Variants in ZBTB20 observed in about 807,000 individuals in gnomAD.
The protein encoded by ZBTB20 is zinc finger and BTB domain-containing protein 20.
ZBTB20 carries 9 observed loss-of-function variants against 56.9 expected under a neutral mutation model. The observed-to-expected ratio is 0.16, with a 90% CI of 0.10 to 0.28. The LOEUF (loss-of-function observed/expected upper bound fraction) is 0.28. ZBTB20 is among the 10% of genes least tolerant of loss of function. The pLI, the probability that ZBTB20 is intolerant of heterozygous loss-of-function variation, is 1.00. For synonymous variants in ZBTB20, 417 were observed against 420.7 expected (o/e 0.99, Z 0.11); for missense variants, 655 against 1,003.0 (o/e 0.65, Z 4.69).
In ZBTB20 at chr3:114,943,470, A is replaced by C. The variant is rs1218909240; in HGVS notation, c.-456+30896T>G. Among the ~76,000 whole-genome samples, 8 of 145,852 alleles carry C rather than the reference A, an allele frequency of 5.5e-5. No individual in the cohort carries two copies. The South Asian group carries it at 1.1e-3, about 19-fold the overall frequency. ...GAATTATCAGATATAGTCTTTTAAA[A>C]ACAGTGATAAATATGGTTTCAGAGG... is the stretch of plus-strand genomic sequence containing the variant. On this transcript the variant is annotated intron_variant, in intron 3 of 11. Coordinates refer to ENST00000675478, the MANE Select transcript of ZBTB20 (RefSeq NM_001348800.3).
At chr3:114,794,522 G>A (rs1407143600) in intron 5 of ZBTB20, among the ~76,000 whole-genome samples, 1 of 152,012 alleles carries the variant, frequency 6.6e-6, no homozygotes, top group Admixed American at 6.6e-5. Context: ...AAATGAAGAG[G>A]TTAGAATAAA....
chr3:114,508,437 T>C (rs1453716357), intron 6 of ZBTB20, among the ~76,000 whole-genome samples: 1 of 152,136 alleles, frequency 6.6e-6, no homozygotes, highest in Non-Finnish European at 1.5e-5. Flanking sequence ...GATGAGTCCA[T>C]TCTATCTATG....
chr3:114,963,200 G>A (rs2077520156), intron 3 of ZBTB20, among the ~76,000 whole-genome samples: 1 of 152,000 alleles, frequency 6.6e-6, no homozygotes, highest in African/African-American at 2.4e-5. Context: ...AATCTGCTAG[G>A]TTAATCCCTT....
chr3:114,948,956 A>G (rs2076975314), intron 3 of ZBTB20, among the ~76,000 whole-genome samples: 1 of 146,296 alleles, frequency 6.8e-6, no homozygotes, highest in Non-Finnish European at 1.5e-5. Flanking sequence ...ATGGAAATAA[A>G]AAGGAACAAG....
At chr3:114,987,771 A>G (rs1048591702) in intron 2 of ZBTB20, among the ~76,000 whole-genome samples, 4 of 152,166 alleles carry the variant, frequency 2.6e-5, no homozygotes, top group Admixed American at 2.0e-4. Context: ...TAAAGTGCCA[A>G]AAGTTGAGTG....
In ZBTB20 at chr3:114,326,407, T is replaced by A. The variant is rs1298298602; in HGVS notation, c.*12598A>T. 3 of 152,174 alleles carry A rather than the reference T, an allele frequency of 2.0e-5. No individual in the cohort carries two copies. Among genetic ancestry groups the A allele is most frequent in the African/African-American group, 4.8e-5 (2 of 41,440 alleles). The allele number at this position is 152,174 out of a possible 1,614,324, so 9.4% of individuals were successfully genotyped here. A position where few individuals can be genotyped will look rare whatever the true frequency, so the allele number is the denominator to read the frequency against. On this transcript the variant is annotated 3_prime_UTR_variant, in exon 12 of 12. Coordinates refer to ENST00000675478, the MANE Select transcript of ZBTB20 (RefSeq NM_001348800.3). The stretch of plus-strand genomic sequence containing the variant: ...ACAGGTTTTTGTTTTAACTGTTCTA[T>A]CCTCAAAGTAAAGAGAGAATTTCTC...
intron 1 of ZBTB20, among the ~76,000 whole-genome samples, chr3:115,118,007 T>C (rs1183112237): frequency 1.3e-5 from 2 of 152,328 alleles, no homozygotes; most frequent in East Asian, 3.9e-4. Flanking sequence ...TCACTACCTG[T>C]GACCTTAAAC....
intron 7 of ZBTB20, among the ~76,000 whole-genome samples, chr3:114,410,134 G>A (rs2108762172): frequency 6.6e-6 from 1 of 152,180 alleles, no homozygotes; most frequent in Non-Finnish European, 1.5e-5. Flanking sequence ...CATCTAACAG[G>A]TGAGACATCA....
At chr3:115,044,313 A>C (rs1432268275) in intron 2 of ZBTB20, among the ~76,000 whole-genome samples, 5 of 152,206 alleles carry the variant, frequency 3.3e-5, no homozygotes, top group Non-Finnish European at 7.3e-5. Flanking sequence ...CGAGAAAAAC[A>C]AAACAAAACA....
chr3:115,030,658 C>T (rs1016029909), intron 2 of ZBTB20, among the ~76,000 whole-genome samples: 10 of 151,276 alleles, frequency 6.6e-5, no homozygotes, highest in Middle Eastern at 3.4e-3. Context: ...GACTTAACGT[C>T]ATGAGAGATG....
At chr3:114,372,919 C>G (rs894305958) in intron 10 of ZBTB20, among the ~76,000 whole-genome samples, 5 of 152,004 alleles carry the variant, frequency 3.3e-5, no homozygotes, top group African/African-American at 1.2e-4. Context: ...CTTCAGAATA[C>G]TTTCTTTTTT....
At chr3:114,531,706 C>T (rs568659857) in intron 6 of ZBTB20, among the ~76,000 whole-genome samples, 13 of 152,132 alleles carry the variant, frequency 8.5e-5, no homozygotes, top group Admixed American at 7.2e-4. Context: ...GCAAGATGGC[C>T]GAATAGGAAC....
At chr3:114,808,001 A>G (rs1333270863) in intron 4 of ZBTB20, among the ~76,000 whole-genome samples, 2 of 152,088 alleles carry the variant, frequency 1.3e-5, no homozygotes, top group Non-Finnish European at 2.9e-5. Flanking sequence ...AATATTGTAC[A>G]AATAATTGAA....
intron 1 of ZBTB20, among the ~76,000 whole-genome samples, chr3:115,097,516 A>G (rs2083425021): frequency 6.6e-6 from 1 of 152,136 alleles, no homozygotes. Context: ...TTTTATCAGC[A>G]CACACACGTT....
At chr3:115,094,893 C>A (rs1400306419) in intron 1 of ZBTB20, among the ~76,000 whole-genome samples, 1 of 151,920 alleles carries the variant, frequency 6.6e-6, no homozygotes, top group East Asian at 1.9e-4. Flanking sequence ...ATTACCATTT[C>A]TACATTTTTA....
At chr3:114,385,817 G>A (rs141265064) in intron 8 of ZBTB20, among the ~76,000 whole-genome samples, 2 of 152,100 alleles carry the variant, frequency 1.3e-5, no homozygotes, top group Non-Finnish European at 2.9e-5. Flanking sequence ...GCAGTGAGCC[G>A]AGATGGCGCC....
At chr3:114,349,962 T>C (rs2080511624) in intron 11 of ZBTB20, among the ~76,000 whole-genome samples, 2 of 152,140 alleles carry the variant, frequency 1.3e-5, no homozygotes, top group African/African-American at 4.8e-5. Context: ...CTGACTACAG[T>C]ATGCTGCCTC....
intron 4 of ZBTB20, among the ~76,000 whole-genome samples, chr3:114,813,879 A>G (rs1400928565): frequency 1.3e-5 from 2 of 152,178 alleles, no homozygotes; most frequent in Non-Finnish European, 2.9e-5. Flanking sequence ...AGTGTTCTCT[A>G]TTTGGTCCAA....
At chr3:114,513,433 G>A (rs1028234421) in intron 6 of ZBTB20, among the ~76,000 whole-genome samples, 3 of 152,116 alleles carry the variant, frequency 2.0e-5, no homozygotes, top group South Asian at 2.1e-4. Context: ...CCAAATTATC[G>A]CTTATGTTCT....
Sources: gnomAD v4.1 joint callset for allele counts (sites outside exome capture counted in the v4.1 genomes callset) on GRCh38, gnomAD v4.1.1 for gene constraint, MANE v1.5 for transcripts, NCBI Gene and HGNC (gene_info 2026-07-23, HGNC 2026-07-21) for gene names.